KCNH1: variants seen among roughly 807,000 people sequenced by gnomAD.
The protein encoded by KCNH1 is voltage-gated delayed rectifier potassium channel KCNH1.
Under a neutral mutation model 69.2 loss-of-function variants are expected in KCNH1, and 27 were observed. That is an observed-to-expected ratio of 0.39 (90% confidence interval 0.29 to 0.54). The LOEUF is 0.54. Among genes scored for constraint, KCNH1 ranks in the 20% least tolerant of loss-of-function variants. KCNH1 has a pLI of 0.68. For missense variants in KCNH1, 798 were observed against 1,261.6 expected (o/e 0.63, Z 5.57); for synonymous variants, 456 against 487.7 (o/e 0.93, Z 0.86).
intron 6 of KCNH1, among the ~76,000 whole-genome samples, chr1:210,977,408 C>T (rs1361528247): frequency 7.9e-5 from 12 of 151,894 alleles, no homozygotes; most frequent in East Asian, 7.7e-4. Context: ...CAAACCTGCA[C>T]GTTGTGCACT....
At chr1:211,123,132 G>C (rs1292202786) in intron 1 of KCNH1, among the ~76,000 whole-genome samples, 1 of 152,102 alleles carries the variant, frequency 6.6e-6, no homozygotes, top group Non-Finnish European at 1.5e-5. Context: ...GCTATGCCCA[G>C]TTTCCCTATA....
intron 7 of KCNH1, among the ~76,000 whole-genome samples, chr1:210,843,907 T>G (rs983249845): frequency 1.5e-4 from 23 of 152,156 alleles, no homozygotes; most frequent in African/African-American, 5.5e-4. Context: ...TGAATAGCAA[T>G]TGACTCTGAG....
Position 211,019,111 on chromosome 1 carries a change from A to C in KCNH1, c.704T>G (p.Val235Gly). The change falls in exon 6 of 11, where the codon GTC (valine) becomes GGC (glycine). Residue 235 changes from valine to glycine, a missense_variant. By Grantham distance (109) the Val-to-Gly change is moderately radical. This residue lies in a region of KCNH1 where 266 missense variants were observed against 457.2 expected (regional missense o/e 0.58). Transcript: ENST00000271751. ...GGTTTTGAAGGAGACATTATAAGGG[A>C]CCAAGATGGCTGTATAGAAGGTCAA... is the stretch of plus-strand genomic sequence containing the variant. ...LILTFYTAILVPYNVSFKTRQ... is the reference protein window; with the variant it reads ...LILTFYTAILGPYNVSFKTRQ... 1 of 1,614,068 alleles carries C rather than the reference A, an allele frequency of 6.2e-7. No individual in the cohort carries two copies. The highest frequency in any genetic ancestry group is 8.5e-7 in the Non-Finnish European group (1 of 1,179,968).
At chr1:211,049,663 G>C (rs1433673383) in intron 5 of KCNH1, among the ~76,000 whole-genome samples, 1 of 152,156 alleles carries the variant, frequency 6.6e-6, no homozygotes, top group African/African-American at 2.4e-5. Context: ...GTGTGGAGGA[G>C]GGCCTGGAAG....
chr1:210,950,211 G>T (rs907404108), intron 6 of KCNH1, among the ~76,000 whole-genome samples: 4 of 151,320 alleles, frequency 2.6e-5, no homozygotes, highest in Non-Finnish European at 5.9e-5. Context: ...TCTCAGTTTA[G>T]ATTTCTTTTT....
At chr1:211,021,579 C>G (rs1283789446) in intron 5 of KCNH1, among the ~76,000 whole-genome samples, 5 of 149,630 alleles carry the variant, frequency 3.3e-5, no homozygotes, top group African/African-American at 4.9e-5. Flanking sequence ...ATAGACTACA[C>G]ACACACACAC....
intron 1 of KCNH1, among the ~76,000 whole-genome samples, chr1:211,122,798 G>A (rs1210610104): frequency 1.3e-5 from 2 of 152,166 alleles, no homozygotes; most frequent in South Asian, 2.1e-4. Context: ...GACACAGAGA[G>A]GGGAACAACA....
chr1:211,001,402 C>T (rs1689176185), intron 6 of KCNH1, among the ~76,000 whole-genome samples: 1 of 152,154 alleles, frequency 6.6e-6, no homozygotes, highest in Non-Finnish European at 1.5e-5. Context: ...AGCCAAAAGA[C>T]ACATGAAAAA....
intron 10 of KCNH1, among the ~76,000 whole-genome samples, chr1:210,693,639 G>A (rs978314404): frequency 1.3e-5 from 2 of 152,300 alleles, no homozygotes; most frequent in East Asian, 3.9e-4. Flanking sequence ...TCATTCATCT[G>A]AACCTGAATC....
chr1:211,027,461 G>A (rs541824076), intron 5 of KCNH1, among the ~76,000 whole-genome samples: 7 of 148,546 alleles, frequency 4.7e-5, no homozygotes, highest in East Asian at 1.9e-4. Flanking sequence ...AAAAGTTGCC[G>A]TGCCTGGTGG....
intron 10 of KCNH1, among the ~76,000 whole-genome samples, chr1:210,771,247 C>T (rs1018549436): frequency 3.3e-5 from 5 of 152,306 alleles, no homozygotes; most frequent in Admixed American, 1.3e-4. Context: ...CACAAGCCAC[C>T]TCCCTCAGAA....
At chr1:210,992,429 C>T (rs1309194531) in intron 6 of KCNH1, among the ~76,000 whole-genome samples, 8 of 152,178 alleles carry the variant, frequency 5.3e-5, no homozygotes, top group African/African-American at 1.9e-4. Context: ...ATTCCCAAGG[C>T]GCTAAACAGA....
chr1:210,736,463 C>T (rs1435030467), intron 10 of KCNH1, among the ~76,000 whole-genome samples: 1 of 152,032 alleles, frequency 6.6e-6, no homozygotes, highest in Admixed American at 6.6e-5. Context: ...AGGAGAATCG[C>T]TTGAACCCTG....
intron 6 of KCNH1, among the ~76,000 whole-genome samples, chr1:210,990,271 A>C (rs955811202): frequency 2.0e-5 from 3 of 152,230 alleles, no homozygotes; most frequent in African/African-American, 7.2e-5. Flanking sequence ...TATAATGGCT[A>C]AGCTGCCAAC....
Position 210,678,690 on chromosome 1 carries a change from A to T in KCNH1, c.*4591T>A, listed in dbSNP as rs765791720. On this transcript the variant is annotated 3_prime_UTR_variant, in exon 11 of 11. Transcript: ENST00000271751. ...CCTTGAGGTGTCGGTGAAATGTCGG[A>T]TGTGGACAGTCTCCAACTGATGCAC... 9 of 152,260 alleles carry T rather than the reference A, an allele frequency of 5.9e-5. No homozygotes were observed. Among genetic ancestry groups the T allele is most frequent in the Non-Finnish European group, 1.2e-4 (8 of 68,050 alleles). 9.4% of individuals were successfully genotyped at this position (152,260 alleles called of 1,614,324 possible).
chr1:210,719,260 C>T lies in KCNH1; in HGVS notation c.2113-35122G>A, dbSNP rs528668011. On this transcript the variant is annotated intron_variant, in intron 10 of 10. Coordinates refer to ENST00000271751, the MANE Select transcript of KCNH1 (RefSeq NM_172362.3). Reference sequence around the variant, plus strand: ...GTATCAGACAGCACCAGCTAGCACTCGGAATCAACCCCTGAGAAACGTGGG... The same window carrying T: ...GTATCAGACAGCACCAGCTAGCACTTGGAATCAACCCCTGAGAAACGTGGG... Among the ~76,000 whole-genome samples the T allele has an allele frequency of 3.3e-5, 5 of 152,222 alleles. No individual in the cohort carries two copies. In the South Asian group the frequency reaches 6.2e-4, roughly 19 times the overall value.
At chr1:210,740,975 C>T (rs1284306902) in intron 10 of KCNH1, among the ~76,000 whole-genome samples, 1 of 152,128 alleles carries the variant, frequency 6.6e-6, no homozygotes, top group Non-Finnish European at 1.5e-5. Flanking sequence ...TCCTTTCAAT[C>T]ATTCCCCATC....
At chr1:210,840,277 CA>C (rs1304608913) in intron 7 of KCNH1, among the ~76,000 whole-genome samples, 1 of 149,882 alleles carries the variant, frequency 6.7e-6, no homozygotes, top group Non-Finnish European at 1.5e-5. Context: ...AGATCTAAAA[CA>C]AAACAAAACA....
intron 5 of KCNH1, among the ~76,000 whole-genome samples, chr1:211,034,670 A>G (rs1403446895): frequency 6.6e-6 from 1 of 152,198 alleles, no homozygotes; most frequent in East Asian, 1.9e-4. Flanking sequence ...TTTAAAATCA[A>G]CTGAATGTAG....
Sources: allele counts gnomAD v4.1 joint callset (sites outside exome capture counted in the v4.1 genomes callset), GRCh38; gene constraint gnomAD v4.1.1; regional missense constraint gnomAD v4.1.1; transcripts MANE v1.5; gene names NCBI Gene and HGNC (gene_info 2026-07-23, HGNC 2026-07-21).